The following CNTN5 variants were observed in gnomAD, a reference collection of about 807,000 sequenced individuals.
The protein encoded by CNTN5 is contactin 5.
A neutral mutation model predicts 129.1 loss-of-function variants in CNTN5; 77 were observed. The ratio of observed to expected loss-of-function variants is 0.60; its 90% CI spans 0.50 to 0.72. The LOEUF is 0.72. CNTN5 is among the 30% of genes least tolerant of loss of function. CNTN5 has a pLI of 0.00. For missense variants in CNTN5, 1,478 were observed against 1,328.8 expected, an observed-to-expected ratio of 1.11 and a Z score of -1.75; for synonymous variants, 509 against 465.6, an observed-to-expected ratio of 1.09 and a Z score of -1.20.
chr11:99,972,528 T>A (rs181439610), intron 8 of CNTN5, among the ~76,000 whole-genome samples: 81 of 152,180 alleles, frequency 5.3e-4, no homozygotes, highest in Non-Finnish European at 9.7e-4. Flanking sequence ...CTTTCTAAAG[T>A]TGAGAAGCAC....
intron 7 of CNTN5, among the ~76,000 whole-genome samples, chr11:99,935,383 C>T (rs569663345): frequency 3.4e-4 from 51 of 151,504 alleles, no homozygotes; most frequent in South Asian, 2.7e-3. Flanking sequence ...TTTTTTTCAC[C>T]GAGCATTATA....
chr11:99,735,367 C>T (rs543778813), intron 3 of CNTN5, among the ~76,000 whole-genome samples: 76 of 152,146 alleles, frequency 5.0e-4, no homozygotes, highest in African/African-American at 1.8e-3. Flanking sequence ...ACTTGAGGTA[C>T]AAAATTTTAA....
At chr11:100,154,708 G>A (rs564034852) in intron 13 of CNTN5, among the ~76,000 whole-genome samples, 2 of 151,968 alleles carry the variant, frequency 1.3e-5, no homozygotes, top group African/African-American at 4.8e-5. Context: ...TTTTAATGAT[G>A]GCCATTCTAA....
At chr11:99,863,239 C>T (rs1948262422) in intron 6 of CNTN5, among the ~76,000 whole-genome samples, 1 of 151,970 alleles carries the variant, frequency 6.6e-6, no homozygotes, top group Admixed American at 6.6e-5. Flanking sequence ...TGGAAAAAAG[C>T]AGATGCTTTT....
chr11:99,323,068 C>A (rs1403809890), intron 1 of CNTN5, among the ~76,000 whole-genome samples: 1 of 152,132 alleles, frequency 6.6e-6, no homozygotes, highest in East Asian at 1.9e-4. Flanking sequence ...AAAGGTCATT[C>A]TTTTTCATAA....
intron 4 of CNTN5, among the ~76,000 whole-genome samples, chr11:99,841,641 G>A (rs1384417811): frequency 4.0e-5 from 6 of 151,518 alleles, no homozygotes; most frequent in African/African-American, 1.5e-4. Flanking sequence ...CAGAAGAGGA[G>A]GAGGAGAATG....
At chr11:100,106,683 C>CAT (rs553466180) in intron 13 of CNTN5, among the ~76,000 whole-genome samples, 22 of 151,946 alleles carry the variant, frequency 1.4e-4, no homozygotes, top group Admixed American at 2.6e-4. Flanking sequence ...AAATGAAATA[C>CAT]ATTTGTTTGG....
chr11:100,333,834 G>T (rs1412708798), intron 21 of CNTN5, among the ~76,000 whole-genome samples: 5 of 152,114 alleles, frequency 3.3e-5, no homozygotes, highest in Admixed American at 3.3e-4. Context: ...AAAGATTCTA[G>T]ACTATCACCT....
intron 13 of CNTN5, among the ~76,000 whole-genome samples, chr11:100,100,487 A>C (rs985337109): frequency 2.0e-5 from 3 of 152,034 alleles, no homozygotes; most frequent in Non-Finnish European, 4.4e-5. Context: ...CCATTCTTTT[A>C]TATTTTCATA....
At chr11:99,839,268 C>T (rs1321837947) in intron 4 of CNTN5, among the ~76,000 whole-genome samples, 1 of 152,024 alleles carries the variant, frequency 6.6e-6, no homozygotes, top group Non-Finnish European at 1.5e-5. Context: ...AGTCACCAGC[C>T]CTTAAAAGAA....
intron 1 of CNTN5, among the ~76,000 whole-genome samples, chr11:99,301,445 C>T (rs768178430): frequency 1.3e-5 from 2 of 151,448 alleles, no homozygotes; most frequent in Non-Finnish European, 1.5e-5. Context: ...AATGGCTATA[C>T]GAAGATCAGA....
chr11:99,881,892 T>C (rs1243015704), intron 6 of CNTN5, among the ~76,000 whole-genome samples: 1 of 152,240 alleles, frequency 6.6e-6, no homozygotes, highest in African/African-American at 2.4e-5. Flanking sequence ...AAGTTACTCC[T>C]ATCTCATCTT....
chr11:99,191,165 G>C (rs773776233), intron 1 of CNTN5, among the ~76,000 whole-genome samples: 1 of 151,526 alleles, frequency 6.6e-6, no homozygotes, highest in Non-Finnish European at 1.5e-5. Flanking sequence ...TGTGTTTAAC[G>C]ATCCTTGCTT....
intron 13 of CNTN5, among the ~76,000 whole-genome samples, chr11:100,095,765 G>A (rs567594173): frequency 9.9e-5 from 15 of 152,152 alleles, no homozygotes; most frequent in Middle Eastern, 3.4e-3. Context: ...CTCAAGCTGG[G>A]AGAGAAAACA....
At chr11:99,624,722 G>A (rs1951068816) in intron 3 of CNTN5, among the ~76,000 whole-genome samples, 1 of 152,172 alleles carries the variant, frequency 6.6e-6, no homozygotes, top group South Asian at 2.1e-4. Context: ...CAGGCAGCAC[G>A]GTTATTAAGC....
At position 100,200,977 on chromosome 11, in the gene CNTN5, A is replaced by G. The variant is rs566615301; in HGVS notation, c.1884+7314A>G. Among the ~76,000 whole-genome samples, 20 of 152,020 alleles carry G rather than the reference A, an allele frequency of 1.3e-4. No individual in the cohort carries two copies. In the South Asian group the frequency reaches 3.9e-3, roughly 30 times the overall value. Reference sequence around the variant, plus strand: ...ACTCAGACTAGTTTTTAATAATCCTATATTCTCACTGAGTTGATTGTTTTT... The same window carrying G: ...ACTCAGACTAGTTTTTAATAATCCTGTATTCTCACTGAGTTGATTGTTTTT... On this transcript the variant is annotated intron_variant, in intron 15 of 24. Coordinates refer to ENST00000524871, the MANE Select transcript of CNTN5 (RefSeq NM_014361.4).
intron 3 of CNTN5, among the ~76,000 whole-genome samples, chr11:99,635,973 G>C (rs1364267942): frequency 6.6e-6 from 1 of 151,994 alleles, no homozygotes; most frequent in African/African-American, 2.4e-5. Context: ...TTTGAAAAAA[G>C]AATTAGAAGC....
chr11:99,991,149 G>A (rs1939066069), intron 8 of CNTN5, among the ~76,000 whole-genome samples: 1 of 152,112 alleles, frequency 6.6e-6, no homozygotes, highest in Non-Finnish European at 1.5e-5. Flanking sequence ...GTTATGCTTG[G>A]CACAATGACG....
At chr11:100,044,028 C>A (rs1427316151) in intron 9 of CNTN5, among the ~76,000 whole-genome samples, 1 of 151,756 alleles carries the variant, frequency 6.6e-6, no homozygotes, top group East Asian at 1.9e-4. Flanking sequence ...TCTTATCCCT[C>A]ACCTTTCTCA....
Sources: gnomAD v4.1 joint callset for allele counts (sites outside exome capture counted in the v4.1 genomes callset) on GRCh38, gnomAD v4.1.1 for gene constraint, MANE v1.5 for transcripts, NCBI Gene and HGNC (gene_info 2026-07-23, HGNC 2026-07-21) for gene names.